FAM135A: variants seen among roughly 807,000 people sequenced by gnomAD.
The protein encoded by FAM135A is family with sequence similarity 135 member A, also known as protein FAM135A.
FAM135A carries 79 observed loss-of-function variants against 146.8 expected under a neutral mutation model. The ratio of observed to expected loss-of-function variants is 0.54; its 90% CI spans 0.45 to 0.65. The LOEUF is 0.65. Among genes scored for constraint, FAM135A ranks in the 30% least tolerant of loss-of-function variants. FAM135A has a pLI of 0.00. For missense variants in FAM135A, 1,623 were observed against 1,758.2 expected (o/e 0.92, Z 1.38); for synonymous variants, 562 against 603.6 (o/e 0.93, Z 1.01).
chr6:70,526,368 T>C lies in FAM135A; in HGVS notation c.3284T>C (p.Val1095Ala). Residue 1095 changes from valine (V) to alanine (A), a missense_variant, in exon 15 of 22, where the codon GTT becomes GCT. Coordinates refer to ENST00000418814, the MANE Select transcript of FAM135A (RefSeq NM_001162529.3). The part of the protein sequence containing the change: ...DEEEEQDQQM[V>A]QNGYYEETDY... ...GAGGAAGAGCAGGATCAACAAATGG[T>C]TCAAAATGGGTACTATGAAGAAACA... is the stretch of plus-strand genomic sequence containing the variant. 6.2e-7 allele frequency: 1 copy of C among 1,613,384 alleles called. No homozygotes were observed. The highest frequency in any genetic ancestry group is 1.3e-5 in the African/African-American group (1 of 74,924).
intron 12 of FAM135A, among the ~76,000 whole-genome samples, chr6:70,517,509 C>T (rs1268353283): frequency 6.6e-6 from 1 of 151,388 alleles, no homozygotes; most frequent in Non-Finnish European, 1.5e-5. Flanking sequence ...ACCTCTGCCT[C>T]CCCGGTTCAA....
chr6:70,549,593 T>C (rs780857240), intron 20 of FAM135A, among the ~76,000 whole-genome samples: 3 of 151,934 alleles, frequency 2.0e-5, no homozygotes, highest in Non-Finnish European at 2.9e-5. Flanking sequence ...TAGTCAAGAG[T>C]GTGTAATAGC....
At chr6:70,439,613 T>C (rs1033936885) in intron 4 of FAM135A, among the ~76,000 whole-genome samples, 1 of 152,214 alleles carries the variant, frequency 6.6e-6, no homozygotes, top group African/African-American at 2.4e-5. Context: ...ATGGCTGATT[T>C]ATTTGTGATT....
chr6:70,456,672 A>G (rs1407013779), intron 5 of FAM135A, among the ~76,000 whole-genome samples: 18 of 152,130 alleles, frequency 1.2e-4, no homozygotes, highest in Admixed American at 9.8e-4. Context: ...ATTAAAGACT[A>G]TTTTCTTCAT....
intron 20 of FAM135A, among the ~76,000 whole-genome samples, chr6:70,552,471 T>A (rs1294021592): frequency 6.8e-6 from 1 of 146,142 alleles, no homozygotes; most frequent in Admixed American, 6.8e-5. Context: ...GATTCTTTTT[T>A]TTTTTTTTTT....
intron 11 of FAM135A, among the ~76,000 whole-genome samples, chr6:70,497,443 C>T (rs1787535709): frequency 6.6e-6 from 1 of 152,180 alleles, no homozygotes; most frequent in African/African-American, 2.4e-5. Flanking sequence ...CATCTGCAAA[C>T]AGGGACAGTT....
At chr6:70,437,004 A>G (rs962398357) in intron 4 of FAM135A, among the ~76,000 whole-genome samples, 3 of 152,200 alleles carry the variant, frequency 2.0e-5, no homozygotes, top group African/African-American at 7.2e-5. Flanking sequence ...AACATAAATG[A>G]CATGACTTAA....
rs1796270167 is a variant in FAM135A at position 70,533,740 on chromosome 6, C to T, written c.3868-17C>T. On this transcript the variant is annotated splice_polypyrimidine_tract_variant and intron_variant, in intron 17 of 21. Coordinates refer to ENST00000418814, the MANE Select transcript of FAM135A (RefSeq NM_001162529.3). ...CATATTCCCAAATATAATGTATGTG[C>T]TTTGCTTTCTTTTTAGAATGATACT... 6.9e-7 allele frequency: 1 copy of T among 1,457,300 alleles called. No individual in the cohort carries two copies. Among genetic ancestry groups the T allele is most frequent in the Non-Finnish European group, 9.4e-7 (1 of 1,061,648 alleles). 90.3% of individuals were successfully genotyped at this position (1,457,300 alleles called of 1,614,324 possible). A position where few individuals can be genotyped will look rare whatever the true frequency, so the allele number is the denominator to read the frequency against.
intron 10 of FAM135A, among the ~76,000 whole-genome samples, chr6:70,490,527 GAACT>G (rs1337526179): frequency 2.0e-5 from 3 of 151,858 alleles, no homozygotes; most frequent in Admixed American, 6.6e-5. Context: ...AATACATTAG[GAACT>G]AACTATTAAA....
intron 19 of FAM135A, among the ~76,000 whole-genome samples, chr6:70,537,833 A>G (rs1236305286): frequency 6.6e-6 from 1 of 152,224 alleles, no homozygotes; most frequent in Non-Finnish European, 1.5e-5. Flanking sequence ...AGAAAACATT[A>G]AACAATTTTT....
intron 10 of FAM135A, among the ~76,000 whole-genome samples, chr6:70,484,160 T>G (rs867492953): frequency 6.6e-6 from 1 of 152,188 alleles, no homozygotes; most frequent in Non-Finnish European, 1.5e-5. Flanking sequence ...TTAAAGAACT[T>G]TGACTTCTCC....
Position 70,526,686 on chromosome 6 carries a change from C to T in FAM135A, c.3602C>T (p.Pro1201Leu), listed in dbSNP as rs749778919. The change falls in exon 15 of 22, where the codon CCT becomes CTT. Residue 1201 changes from proline to leucine, a missense_variant. By Grantham distance (98) the Pro-to-Leu change is moderately conservative (BLOSUM62 -3). Coordinates refer to ENST00000418814, the MANE Select transcript of FAM135A (RefSeq NM_001162529.3). The part of the protein sequence containing the change: ...SISWYESSPK[P>L]QIQAFLQAKE... ...TCCTGGTATGAAAGTTCACCAAAAC[C>T]TCAAATACAAGCGTAAGTAATGGAA... 6.3e-6 allele frequency: 10 copies of T among 1,598,304 alleles called. No individual in the cohort carries two copies. The highest frequency in any genetic ancestry group is 1.7e-4 in the Middle Eastern group (1 of 6,024).
intron 5 of FAM135A, among the ~76,000 whole-genome samples, chr6:70,474,494 G>A (rs1207223057): frequency 6.6e-6 from 1 of 152,068 alleles, no homozygotes; most frequent in Non-Finnish European, 1.5e-5. Context: ...TACAAATCTG[G>A]GGGTTCCCAT....
chr6:70,551,342 G>A (rs1173407332), intron 20 of FAM135A, among the ~76,000 whole-genome samples: 1 of 152,146 alleles, frequency 6.6e-6, no homozygotes, highest in East Asian at 1.9e-4. Context: ...AGGCATGGTG[G>A]CTCACGCCTG....
chr6:70,546,099 T>G (rs1280605381), intron 20 of FAM135A, among the ~76,000 whole-genome samples: 2 of 152,056 alleles, frequency 1.3e-5, no homozygotes, highest in Non-Finnish European at 2.9e-5. Flanking sequence ...AAATGAGTAG[T>G]CCATCCCTAG....
chr6:70,510,943 T>C (rs746591714), intron 12 of FAM135A, among the ~76,000 whole-genome samples: 2 of 152,120 alleles, frequency 1.3e-5, no homozygotes, highest in Non-Finnish European at 2.9e-5. Context: ...ATATTCTGCT[T>C]TTTGTTTTGG....
chr6:70,463,336 A>C (rs1165060648), intron 5 of FAM135A, among the ~76,000 whole-genome samples: 3 of 151,624 alleles, frequency 2.0e-5, no homozygotes, highest in Admixed American at 1.3e-4. Flanking sequence ...TATAGCCTTG[A>C]ACACCTGGGC....
At chr6:70,503,264 G>A (rs772525436) in intron 12 of FAM135A, 1 of 152,406 alleles carries the variant, frequency 6.6e-6, no homozygotes, top group Non-Finnish European at 1.5e-5. Context: ...TGTAGACCTA[G>A]TATGGACATT....
chr6:70,467,665 T>A (rs1780727249), intron 5 of FAM135A, among the ~76,000 whole-genome samples: 1 of 152,008 alleles, frequency 6.6e-6, no homozygotes, highest in South Asian at 2.1e-4. Flanking sequence ...CTTTTGTGCT[T>A]TCTATCTTTT....
Sources: gnomAD v4.1 joint callset for allele counts (sites outside exome capture counted in the v4.1 genomes callset) on GRCh38, gnomAD v4.1.1 for gene constraint, MANE v1.5 for transcripts, NCBI Gene and HGNC (gene_info 2026-07-23, HGNC 2026-07-21) for gene names.